Variants in NBN observed in about 807,000 individuals in gnomAD.
NBN encodes the protein nibrin.
A neutral mutation model predicts 90.8 loss-of-function variants in NBN; 88 were observed. The observed-to-expected ratio is 0.97, with a 90% CI of 0.82 to 1.16. NBN has a LOEUF of 1.16. Ranked by LOEUF, NBN falls within the 50% of genes most tolerant of loss-of-function variation. NBN has a pLI of 0.00. For missense variants in NBN, 894 were observed against 869.6 expected (o/e 1.03, Z -0.35); for synonymous variants, 328 against 295.1 (o/e 1.11, Z -1.14).
intron 14 of NBN, among the ~76,000 whole-genome samples, chr8:89,940,807 CATA>C (rs1343822089): frequency 7.9e-5 from 12 of 151,884 alleles, no homozygotes; most frequent in Non-Finnish European, 1.3e-4. Context: ...GTAAAAGAAC[CATA>C]ATAACAGCCT....
chr8:89,953,341 T>C lies in NBN; in HGVS notation c.1748A>G (p.Gln583Arg), dbSNP rs1810529233. Residue 583 changes from glutamine to arginine, a missense_variant, in exon 11 of 16, where the codon CAG becomes CGG. By Grantham distance (43) the Gln-to-Arg change is conservative (BLOSUM62 1). Transcript: ENST00000265433. ...ELEIDVKVQK[Q>R]EEDVNVRKRP... The stretch of plus-strand genomic sequence containing the variant: ...TTTTCTAACATTGACATCTTCCTCC[T>C]GTTTTTGAACTTTCACATCAATTTC... 1.2e-6 allele frequency: 2 copies of C among 1,613,648 alleles called. No individual in the cohort carries two copies. The highest frequency in any genetic ancestry group is 1.3e-5 in the African/African-American group (1 of 75,054).
chr8:89,943,370 T>A lies in NBN; in HGVS notation c.2071-4A>T, dbSNP rs746994234. ...TTCCTGCTCCAGGATATGTGACCTA[T>A]TGAATAATAAAAGTAGTACAGTAAA... On this transcript the variant is annotated splice_region_variant and splice_polypyrimidine_tract_variant and intron_variant, in intron 13 of 15. Coordinates refer to ENST00000265433, the MANE Select transcript of NBN (RefSeq NM_002485.5). 1 of 1,600,770 alleles carries A rather than the reference T, an allele frequency of 6.2e-7. No individual in the cohort carries two copies. The highest frequency in any genetic ancestry group is 2.2e-5 in the East Asian group (1 of 44,756).
At chr8:89,975,528 T>C (rs759392161) in intron 5 of NBN, among the ~76,000 whole-genome samples, 7 of 152,218 alleles carry the variant, frequency 4.6e-5, no homozygotes, top group Admixed American at 1.3e-4. Context: ...TATTTAAAAA[T>C]TGTATTATCA....
rs1810003195 is a variant in NBN, at chr8:89,942,653, A to G, written c.2184+600T>C. Among the ~76,000 whole-genome samples the G allele has an allele frequency of 1.3e-5, 2 of 152,184 alleles. 1 individual carries two copies. Among genetic ancestry groups the G allele is most frequent in the Non-Finnish European group, 2.9e-5 (2 of 68,010 alleles). On this transcript the variant is annotated intron_variant, in intron 14 of 15. Coordinates refer to ENST00000265433, the MANE Select transcript of NBN (RefSeq NM_002485.5). ...CAGTAATGAAAAAATAAATGAACGG[A>G]TGCAATGCCAACTAGAGTTGAAGAC...
At position 89,980,831 on chromosome 8, in the gene NBN, A is replaced by C. The variant is rs1060503463; in HGVS notation, c.383T>G (p.Leu128Ter). 1 of 1,612,662 alleles carries C rather than the reference A, an allele frequency of 6.2e-7. No individual in the cohort carries two copies. Among genetic ancestry groups the C allele is most frequent in the Non-Finnish European group, 8.5e-7 (1 of 1,178,894 alleles). The change falls in exon 4 of 16, where the codon TTA (leucine) becomes TGA (stop). Residue 128 changes from leucine (L) to a stop codon, truncating the protein, a stop_gained. Transcript: ENST00000265433. LOFTEE classifies it high-confidence loss of function. Reference sequence around the variant, plus strand: ...TCCAAGTTGCAATATAGCTTGATTTAAAGCAGTTTTCCCAGAGACATCTAA... The same window carrying C: ...TCCAAGTTGCAATATAGCTTGATTTCAAGCAGTTTTCCCAGAGACATCTAA... ...SCLDVSGKTA[L>*]NQAILQLGGF...
At chr8:89,969,416 C>T (rs755642912) in intron 7 of NBN, among the ~76,000 whole-genome samples, 1 of 152,106 alleles carries the variant, frequency 6.6e-6, no homozygotes, top group African/African-American at 2.4e-5. Flanking sequence ...TACATTTCAA[C>T]GCTAGGCAAT....
In NBN at chr8:89,935,302, T is replaced by A; in HGVS notation, c.*280A>T. ...TGGAAGGGTGACTTTAGTCTTTACC[T>A]TACGTACATTTAGAATTTTGAACTG... is the stretch of plus-strand genomic sequence containing the variant. On this transcript the variant is annotated 3_prime_UTR_variant, in exon 16 of 16. Coordinates refer to ENST00000265433, the MANE Select transcript of NBN (RefSeq NM_002485.5). 2.6e-6 allele frequency: 1 copy of A among 378,308 alleles called. No homozygotes were observed. The highest frequency in any genetic ancestry group is 4.9e-6 in the Non-Finnish European group (1 of 205,726). The allele number at this position is 378,308 out of a possible 1,614,324, so 23.4% of individuals were successfully genotyped here. A position where few individuals can be genotyped will look rare whatever the true frequency, so the allele number is the denominator to read the frequency against.
chr8:89,958,106 T>C (rs942336533), intron 9 of NBN, among the ~76,000 whole-genome samples: 4 of 152,084 alleles, frequency 2.6e-5, no homozygotes, highest in Admixed American at 1.3e-4. Flanking sequence ...CAGCTCACAA[T>C]AGGGTTTGTG....
At chr8:89,978,934 A>T (rs1811910635) in intron 4 of NBN, among the ~76,000 whole-genome samples, 1 of 152,242 alleles carries the variant, frequency 6.6e-6, no homozygotes, top group Non-Finnish European at 1.5e-5. Context: ...AAACATTAGA[A>T]AATGCTACAG....
At chr8:89,939,319 C>A (rs9297757) in intron 14 of NBN, among the ~76,000 whole-genome samples, 32,230 of 151,854 alleles carry the variant, frequency 0.21, 8,841 homozygotes, top group African/African-American at 0.64. Context: ...GCAGCAAAAG[C>A]AAGTCAAGTC....
chr8:89,970,967 T>A (rs972479849), intron 6 of NBN, among the ~76,000 whole-genome samples: 2 of 152,198 alleles, frequency 1.3e-5, no homozygotes, highest in East Asian at 3.8e-4. Flanking sequence ...TATTTATGAA[T>A]AGGCCAGTTA....
At chr8:89,984,176 G>A (rs1352842888) in intron 1 of NBN, 1 of 433,356 alleles carries the variant, frequency 2.3e-6, no homozygotes, top group Non-Finnish European at 4.2e-6. Context: ...CTTCCTGCCG[G>A]GGGTTCCCAC....
chr8:89,967,519 T>C (rs1034596893), intron 7 of NBN, among the ~76,000 whole-genome samples: 12 of 152,156 alleles, frequency 7.9e-5, no homozygotes, highest in African/African-American at 2.9e-4. Flanking sequence ...AAATCAATGA[T>C]GAGCATGTGT....
At chr8:89,952,177 A>G (rs931585442) in intron 11 of NBN, among the ~76,000 whole-genome samples, 35 of 152,202 alleles carry the variant, frequency 2.3e-4, no homozygotes, top group Non-Finnish European at 5.0e-4. Context: ...TTTATAGGGG[A>G]AAAAAGATCC....
chr8:89,976,515 G>C (rs377238237), intron 5 of NBN, among the ~76,000 whole-genome samples: 1 of 152,210 alleles, frequency 6.6e-6, no homozygotes, highest in Non-Finnish European at 1.5e-5. Flanking sequence ...TCTCTCCTGG[G>C]AGGGGAACCA....
Position 89,953,253 on chromosome 8 carries a change from G to A in NBN, c.1836C>T (p.Ser612=). 2.5e-6 allele frequency: 4 copies of A among 1,601,880 alleles called. No homozygotes were observed. Among genetic ancestry groups the A allele is most frequent in the Non-Finnish European group, 3.4e-6 (4 of 1,169,808 alleles). The change falls in exon 11 of 16, where the codon AGC becomes AGT. Residue 612 remains serine, a synonymous_variant. Transcript: ENST00000265433. ...TFSDEAVPES[S]KISQENEIGK... is the part of the protein sequence containing the mutation. ...TTAAAATGTTACTTACAGATATTTT[G>A]CTACTTTCTGGTACTGCTTCATCAC...
At chr8:89,972,633 C>T (rs753402897) in intron 5 of NBN, among the ~76,000 whole-genome samples, 4 of 152,174 alleles carry the variant, frequency 2.6e-5, no homozygotes, top group Non-Finnish European at 5.9e-5. Context: ...TCCTTTTTAT[C>T]CTTTATCTCC....
At chr8:89,977,931 G>A (rs570296417) in intron 5 of NBN, among the ~76,000 whole-genome samples, 13 of 152,306 alleles carry the variant, frequency 8.5e-5, no homozygotes, top group Admixed American at 2.6e-4. Flanking sequence ...ACTGACATAT[G>A]TGCTCTTCTG....
chr8:89,951,433 T>C (rs1810446801), intron 11 of NBN, among the ~76,000 whole-genome samples: 1 of 151,710 alleles, frequency 6.6e-6, no homozygotes, highest in Admixed American at 6.6e-5. Flanking sequence ...TCCAAAGGTG[T>C]GGCCAAAGTA....
Sources: allele counts gnomAD v4.1 joint callset (sites outside exome capture counted in the v4.1 genomes callset), GRCh38; gene constraint gnomAD v4.1.1; transcripts MANE v1.5; gene names NCBI Gene and HGNC (gene_info 2026-07-23, HGNC 2026-07-21).